PNPLA1: variants seen among roughly 807,000 people sequenced by gnomAD.
PNPLA1 encodes patatin like domain 1, omega-hydroxyceramide transacylase, also known as omega-hydroxyceramide transacylase.
A neutral mutation model predicts 51.7 loss-of-function variants in PNPLA1; 36 were observed. The observed-to-expected ratio is 0.70, with a 90% CI of 0.53 to 0.92. The LOEUF (loss-of-function observed/expected upper bound fraction) is 0.92. PNPLA1 is among the 40% of genes least tolerant of loss of function. PNPLA1 has a pLI of 0.00. For missense variants in PNPLA1, 658 were observed against 682.5 expected, an observed-to-expected ratio of 0.96 and a Z score of 0.40; for synonymous variants, 293 against 280.1, an observed-to-expected ratio of 1.05 and a Z score of -0.46.
intron 1 of PNPLA1, among the ~76,000 whole-genome samples, chr6:36,271,532 A>G (rs188641838): frequency 1.3e-5 from 2 of 152,344 alleles, no homozygotes; most frequent in Non-Finnish European, 2.9e-5. Flanking sequence ...GAGGTCGGGA[A>G]GTGATATGAT....
chr6:36,304,900 T>C (rs2127354321), intron 6 of PNPLA1, among the ~76,000 whole-genome samples: 1 of 152,310 alleles, frequency 6.6e-6, no homozygotes, highest in South Asian at 2.1e-4. Flanking sequence ...ACATTTTGGT[T>C]GTCACCTAGT....
chr6:36,266,154 T>C (rs1347166249), upstream of PNPLA1, among the ~76,000 whole-genome samples: 1 of 152,124 alleles, frequency 6.6e-6, no homozygotes, highest in Non-Finnish European at 1.5e-5. Context: ...TGGAAGTGGG[T>C]TCTTTAGCTC....
At chr6:36,266,952 G>A (rs181585487), upstream of PNPLA1, among the ~76,000 whole-genome samples, 12 of 152,306 alleles carry the variant, frequency 7.9e-5, no homozygotes, top group East Asian at 1.9e-3. Context: ...AGCCAGTCTG[G>A]AGTCTATGTG....
At chr6:36,307,025 G>A (rs953936438) in intron 7 of PNPLA1, among the ~76,000 whole-genome samples, 1 of 152,140 alleles carries the variant, frequency 6.6e-6, no homozygotes, top group Non-Finnish European at 1.5e-5. Flanking sequence ...TGGTGGTGGG[G>A]GAGGCACAGC....
chr6:36,295,534 C>T (rs1244956582), intron 5 of PNPLA1, 110 bp downstream of exon 5: 12 of 1,183,868 alleles, frequency 1.0e-5, no homozygotes, highest in South Asian at 2.5e-5. Context: ...GACCCGGAGA[C>T]GCCCTTCACC....
rs149564292 is a variant in PNPLA1, at chr6:36,287,362, C to G, written c.206-3958C>G. ...ATTTACCCTCAGAGAATCCCCTCCT[C>G]TGAGCAGAAGTGGATGTGCCTAGGG... On this transcript the variant is annotated intron_variant, in intron 1 of 8. Coordinates refer to ENST00000636260, the MANE Select transcript of PNPLA1 (RefSeq NM_001374623.1). Among the ~76,000 whole-genome samples, 225 of 152,124 alleles carry G rather than the reference C, an allele frequency of 1.5e-3. 1 individual carries two copies. Among genetic ancestry groups the G allele is most frequent in the African/African-American group, 5.2e-3 (217 of 41,492 alleles).
At position 36,255,098 on chromosome 6, in the gene PNPLA1, A is replaced by G. The variant is rs559675318; in HGVS notation, c.-81+11837A>G. 1.1e-4 allele frequency among the ~76,000 whole-genome samples: 17 copies of G among 152,314 alleles called. 1 individual carries two copies. Among genetic ancestry groups the G allele is most frequent in the South Asian group, 6.2e-4 (3 of 4,826 alleles). ...TTCTATAAACAGAGGTTTTAAAAAA[A>G]TCTAATGCCCGTAATCCCAGCACTT... is the stretch of plus-strand genomic sequence containing the variant. On this transcript the variant is annotated intron_variant, in intron 1 of 7. Transcript: ENST00000312917.
intron 1 of PNPLA1, among the ~76,000 whole-genome samples, chr6:36,257,171 C>G (rs1410857968): frequency 6.6e-6 from 1 of 152,174 alleles, no homozygotes; most frequent in Non-Finnish European, 1.5e-5. Flanking sequence ...AGAGAAAACC[C>G]TTCCCTGCAT....
At position 36,295,378 on chromosome 6, in the gene PNPLA1, C is replaced by G; in HGVS notation, c.729C>G (p.Tyr243Ter). ...FPPDLVILHD[Y>*]YYRGYEDAVL... is the part of the protein sequence containing the mutation. The stretch of plus-strand genomic sequence containing the variant: ...TCCGCCCACAGATCCTGCACGATTA[C>G]TACTACCGAGGGTACGAGGATGCAG... The change falls in exon 5 of 9, where the codon TAC becomes TAG. Residue 243 changes from tyrosine (Y) to a stop codon, truncating the protein, a stop_gained. Coordinates refer to ENST00000636260, the MANE Select transcript of PNPLA1 (RefSeq NM_001374623.1). LOFTEE classifies it high-confidence loss of function. 1 of 1,614,232 alleles carries G rather than the reference C, an allele frequency of 6.2e-7. No individual in the cohort carries two copies. The highest frequency in any genetic ancestry group is 8.5e-7 in the Non-Finnish European group (1 of 1,180,034).
At chr6:36,281,607 T>C (rs996987402) in intron 1 of PNPLA1, among the ~76,000 whole-genome samples, 1 of 152,236 alleles carries the variant, frequency 6.6e-6, no homozygotes, top group African/African-American at 2.4e-5. Context: ...CTGGGATTTC[T>C]CTAAATGTCT....
intron 1 of PNPLA1, among the ~76,000 whole-genome samples, chr6:36,283,277 T>C (rs1770376400): frequency 1.3e-5 from 2 of 152,378 alleles, no homozygotes; most frequent in African/African-American, 4.8e-5. Context: ...GGATCCATTT[T>C]TAAACCAACT....
At chr6:36,282,168 A>T (rs1442376939) in intron 1 of PNPLA1, among the ~76,000 whole-genome samples, 4 of 128,424 alleles carry the variant, frequency 3.1e-5, no homozygotes, top group Non-Finnish European at 5.4e-5. Flanking sequence ...AGAAAGAAAG[A>T]AAGAGACAGA....
intron 1 of PNPLA1, among the ~76,000 whole-genome samples, chr6:36,248,064 C>T (rs1769336924): frequency 6.6e-6 from 1 of 152,148 alleles, no homozygotes; most frequent in Admixed American, 6.5e-5. Context: ...CCACCGTGTA[C>T]CATGCCCTCT....
At chr6:36,267,244 A>G (rs2127321729), upstream of PNPLA1, among the ~76,000 whole-genome samples, 1 of 152,310 alleles carries the variant, frequency 6.6e-6, no homozygotes, top group Non-Finnish European at 1.5e-5. Flanking sequence ...TTAGGGCGTG[A>G]GTAGAGGGTC....
chr6:36,311,612 G>C (rs1049065631), intron 8 of PNPLA1, among the ~76,000 whole-genome samples, 151 bp from the exon 9 acceptor site: 2 of 152,294 alleles, frequency 1.3e-5, no homozygotes, highest in Admixed American at 6.5e-5. Context: ...CTCTGGGCTC[G>C]GCAAGTGTCT....
chr6:36,258,421 T>C (rs193065324), intron 1 of PNPLA1, among the ~76,000 whole-genome samples: 9 of 152,308 alleles, frequency 5.9e-5, no homozygotes, highest in African/African-American at 2.2e-4. Flanking sequence ...AAAAAATTTT[T>C]TAAAAAATCC....
At chr6:36,297,087 C>T (rs1770880311) in intron 5 of PNPLA1, among the ~76,000 whole-genome samples, 1 of 152,142 alleles carries the variant, frequency 6.6e-6, no homozygotes, top group African/African-American at 2.4e-5. Flanking sequence ...TGGGTGAAAT[C>T]TGATGGTGGC....
At chr6:36,268,434 G>A (rs577329731), upstream of PNPLA1, among the ~76,000 whole-genome samples, 5 of 152,244 alleles carry the variant, frequency 3.3e-5, no homozygotes, top group South Asian at 1.0e-3. Context: ...GGGATCCAAT[G>A]TCATGACTCA....
At chr6:36,266,816 T>C (rs569858504), upstream of PNPLA1, among the ~76,000 whole-genome samples, 1 of 152,306 alleles carries the variant, frequency 6.6e-6, no homozygotes, top group African/African-American at 2.4e-5. Context: ...GGTGACATCG[T>C]TTTGGCAAGA....
Sources: gnomAD v4.1 joint callset for allele counts (sites outside exome capture counted in the v4.1 genomes callset) on GRCh38, gnomAD v4.1.1 for gene constraint, MANE v1.5 for transcripts, NCBI Gene and HGNC (gene_info 2026-07-23, HGNC 2026-07-21) for gene names.